FAM167A: variants seen among roughly 807,000 people sequenced by gnomAD.
FAM167A encodes protein FAM167A.
Under a neutral mutation model 14.9 loss-of-function variants are expected in FAM167A, and 23 were observed. The observed-to-expected ratio is 1.55, with a 90% CI of 1.11 to 2.19. The LOEUF (loss-of-function observed/expected upper bound fraction) is 2.19, where lower values mean the gene tolerates loss of function less well. Ranked by LOEUF, FAM167A falls within the 30% of genes most tolerant of loss-of-function variation. The probability of loss-of-function intolerance (pLI) is 0.00; values close to 1 mark genes in which losing one functional copy is unlikely to be tolerated. For synonymous variants in FAM167A, 174 were observed against 117.7 expected (o/e 1.48, Z -3.10); for missense variants, 401 against 281.5 (o/e 1.42, Z -3.04).
intron 2 of FAM167A, among the ~76,000 whole-genome samples, chr8:11,440,850 A>T (rs1806392633): frequency 6.6e-6 from 1 of 152,246 alleles, no homozygotes; most frequent in African/African-American, 2.4e-5. Flanking sequence ...ACTTTCACTG[A>T]GTTAAATAGG....
intron 2 of FAM167A, among the ~76,000 whole-genome samples, chr8:11,434,427 A>G (rs1398553598): frequency 6.6e-6 from 1 of 152,112 alleles, no homozygotes; most frequent in Non-Finnish European, 1.5e-5. Flanking sequence ...AGATGAGTCC[A>G]TCTGAGCCAG....
At chr8:11,455,752 GCAT>G (rs1807232645) in intron 1 of FAM167A, among the ~76,000 whole-genome samples, 1 of 149,724 alleles carries the variant, frequency 6.7e-6, no homozygotes, top group African/African-American at 2.5e-5. Context: ...GCCTTGCTGT[GCAT>G]GAGTGTGAGT....
intron 2 of FAM167A, among the ~76,000 whole-genome samples, chr8:11,425,768 C>T (rs1020318303): frequency 1.1e-4 from 16 of 152,102 alleles, no homozygotes; most frequent in Admixed American, 9.2e-4. Context: ...AGTAAGGTAG[C>T]AAATTCCTGC....
intron 2 of FAM167A, chr8:11,434,890 C>G (rs573773296): frequency 2.6e-6 from 1 of 383,340 alleles, no homozygotes; most frequent in Non-Finnish European, 5.3e-6. Context: ...CATTCTGTGC[C>G]GGAGAGAGAG....
At chr8:11,456,047 GGGTGGTTGCCTTGCTGTGTGTGA>G (rs1807263635) in intron 1 of FAM167A, among the ~76,000 whole-genome samples, 1 of 147,298 alleles carries the variant, frequency 6.8e-6, no homozygotes. Flanking sequence ...TGTGAGTGTG[GGGTGGTTGCCTTGCTGTGTGTGA>G]GTGTGAGTGT....
chr8:11,439,739 G>T (rs1044743122), intron 2 of FAM167A, among the ~76,000 whole-genome samples: 2 of 152,206 alleles, frequency 1.3e-5, no homozygotes, highest in African/African-American at 4.8e-5. Flanking sequence ...GAAGGTTTTG[G>T]TTTTCATCCT....
chr8:11,443,523 C>G (rs1445046025), intron 2 of FAM167A: 1 of 162,946 alleles, frequency 6.1e-6, no homozygotes, highest in Non-Finnish European at 1.3e-5. Flanking sequence ...CCACACCGAG[C>G]CAGCTCCTCA....
At chr8:11,435,120 T>G in intron 2 of FAM167A, 1 of 456,766 alleles carries the variant, frequency 2.2e-6, no homozygotes, top group Non-Finnish European at 4.4e-6. Flanking sequence ...GGGACCCTCC[T>G]GTTCCCTTGA....
At chr8:11,457,791 C>T (rs1432910116) in intron 1 of FAM167A, among the ~76,000 whole-genome samples, 3 of 152,226 alleles carry the variant, frequency 2.0e-5, no homozygotes, top group African/African-American at 4.8e-5. Flanking sequence ...CTGAAGCCCT[C>T]TCACACTCCC....
intron 2 of FAM167A, among the ~76,000 whole-genome samples, chr8:11,431,008 C>A (rs1006198217): frequency 6.6e-6 from 1 of 152,068 alleles, no homozygotes; most frequent in African/African-American, 2.4e-5. Context: ...CATGGCGGGT[C>A]CCGGAAAGTT....
At chr8:11,475,060 T>C (rs1797824370) in intron 1 of FAM167A, among the ~76,000 whole-genome samples, 1 of 152,168 alleles carries the variant, frequency 6.6e-6, no homozygotes, top group Non-Finnish European at 1.5e-5. Flanking sequence ...TGAGCAGGAC[T>C]CTTCCCCTCT....
upstream of FAM167A, among the ~76,000 whole-genome samples, chr8:11,470,200 G>C (rs1354369328): frequency 6.6e-6 from 1 of 152,194 alleles, no homozygotes; most frequent in Non-Finnish European, 1.5e-5. Flanking sequence ...AATGGCAGAG[G>C]AGGGGAAGAG....
chr8:11,466,885 GAGCGCGCCCCGGGTCCT>G (rs1466354442), upstream of FAM167A: 1 of 152,050 alleles, frequency 6.6e-6, no homozygotes, highest in Non-Finnish European at 1.5e-5. Flanking sequence ...CCCCGGGTCC[GAGCGCGCCCCGGGTCCT>G]AGCGCCCTGT....
At chr8:11,430,124 C>T (rs1205423145) in intron 2 of FAM167A, among the ~76,000 whole-genome samples, 1 of 152,194 alleles carries the variant, frequency 6.6e-6, no homozygotes, top group East Asian at 1.9e-4. Context: ...ATAGGATGTG[C>T]CAATTTCCAG....
At chr8:11,468,657 C>T (rs940060965), upstream of FAM167A, among the ~76,000 whole-genome samples, 1 of 152,196 alleles carries the variant, frequency 6.6e-6, no homozygotes, top group African/African-American at 2.4e-5. Context: ...TGCCCATGGC[C>T]CTGGCACGTG....
chr8:11,432,646 A>G (rs1386048699), intron 2 of FAM167A, among the ~76,000 whole-genome samples: 1 of 152,230 alleles, frequency 6.6e-6, no homozygotes, highest in Non-Finnish European at 1.5e-5. Flanking sequence ...ATTGTGGAAG[A>G]CAGTATGGCG....
chr8:11,429,341 G>T (rs1805411317), intron 2 of FAM167A, among the ~76,000 whole-genome samples: 1 of 152,216 alleles, frequency 6.6e-6, no homozygotes, highest in African/African-American at 2.4e-5. Context: ...GTCCTGTGTG[G>T]AGTTAGTCGG....
At position 11,424,383 on chromosome 8, in the gene FAM167A, G is replaced by C. The variant is rs1279846866; in HGVS notation, c.635C>G (p.Ser212Cys). 1 of 1,613,996 alleles carries C rather than the reference G, an allele frequency of 6.2e-7. No homozygotes were observed. The change falls in exon 3 of 3, where the codon TCT becomes TGT. Residue 212 changes from serine to cysteine, a missense_variant. Coordinates refer to ENST00000284486, the MANE Select transcript of FAM167A (RefSeq NM_053279.3). ...CAGTCTGAGGGCTCCTCAGCAGAGA[G>C]AGAACCTCCGAGAGTTGATGTTCAT... ...TKMNINSRRF[S>C]LC
chr8:11,431,534 C>T (rs1805590750), intron 2 of FAM167A, among the ~76,000 whole-genome samples: 1 of 152,190 alleles, frequency 6.6e-6, no homozygotes, highest in South Asian at 2.1e-4. Flanking sequence ...TTATATTATA[C>T]ATATTTTACT....
Sources: allele counts gnomAD v4.1 joint callset (sites outside exome capture counted in the v4.1 genomes callset), GRCh38; gene constraint gnomAD v4.1.1; transcripts MANE v1.5; gene names NCBI Gene and HGNC (gene_info 2026-07-23, HGNC 2026-07-21).